The following SFTPB variants were observed in gnomAD, a reference collection of about 807,000 sequenced individuals.
The protein encoded by SFTPB is pulmonary surfactant-associated protein B.
In SFTPB, 32 loss-of-function variants were observed where a neutral mutation model predicts 51.0. That is an observed-to-expected ratio of 0.63 (90% CI 0.47 to 0.84). The LOEUF is 0.84. Among genes scored for constraint, SFTPB ranks in the 40% least tolerant of loss-of-function variants. The probability of loss-of-function intolerance (pLI) is 0.00; values close to 1 mark genes in which losing one functional copy is unlikely to be tolerated. For synonymous variants in SFTPB, 211 were observed against 208.5 expected, an observed-to-expected ratio of 1.01 and a Z score of -0.10; for missense variants, 431 against 491.2, an observed-to-expected ratio of 0.88 and a Z score of 1.16.
intron 1 of SFTPB, 54 bp from the exon 2 acceptor site, chr2:85,667,860 A>G: frequency 5.0e-6 from 8 of 1,612,996 alleles, no homozygotes; most frequent in Non-Finnish European, 6.8e-6. Flanking sequence ...CACACCTGGC[A>G]TCATGATTTC....
In SFTPB at chr2:85,657,972, A is replaced by G. The variant is rs549991026; in HGVS notation, c.*1730T>C. On this transcript the variant is annotated 3_prime_UTR_variant, in exon 11 of 11. Coordinates refer to ENST00000519937, the MANE Select transcript of SFTPB (RefSeq NM_000542.5). ...GGGAAGGTGTATTGTCACAAGGTCA[A>G]TTGATCAGTTAGGGTGGGGCAGGAA... 2 of 152,288 alleles carry G rather than the reference A, an allele frequency of 1.3e-5. No individual in the cohort carries two copies. The highest frequency in any genetic ancestry group is 3.9e-4 in the East Asian group (2 of 5,176). The allele number at this position is 152,288 out of a possible 1,614,324, so 9.4% of individuals were successfully genotyped here. A position where few individuals can be genotyped will look rare whatever the true frequency, so the allele number is the denominator to read the frequency against.
At chr2:85,668,372 G>A (rs1677763507), upstream of SFTPB, 2 of 626,312 alleles carry the variant, frequency 3.2e-6, no homozygotes, top group Non-Finnish European at 2.9e-6. Context: ...CTGGCTGATG[G>A]CCTGTTCCTG....
intron 10 of SFTPB, among the ~76,000 whole-genome samples, chr2:85,660,288 A>AC (rs772220420): frequency 2.5e-5 from 2 of 80,560 alleles, no homozygotes; most frequent in African/African-American, 1.2e-4. Context: ...CATCTGGCTA[A>AC]TTTTTTTTTT....
Position 85,661,503 on chromosome 2 carries a change from A to G in SFTPB, c.1116T>C (p.Pro372=). 1 of 1,612,222 alleles carries G rather than the reference A, an allele frequency of 6.2e-7. No homozygotes were observed. The highest frequency in any genetic ancestry group is 8.5e-7 in the Non-Finnish European group (1 of 1,179,326). ...GGTCGGGGCTGTGGATACACTGGAG[A>G]GGGCTGGACATGGTCCCACACACCC... is the stretch of plus-strand genomic sequence containing the variant. ...ALGVCGTMSS[P]LQCIHSPDL The change falls in exon 10 of 11, where the codon CCT becomes CCC. Residue 372 remains proline, a synonymous_variant. Coordinates refer to ENST00000519937, the MANE Select transcript of SFTPB (RefSeq NM_000542.5).
chr2:85,657,883 A>AGGGTGCGG lies in SFTPB; in HGVS notation c.*1811_*1818dup, dbSNP rs1677124525. On this transcript the variant is annotated 3_prime_UTR_variant, in exon 11 of 11. Coordinates refer to ENST00000519937, the MANE Select transcript of SFTPB (RefSeq NM_000542.5). ...GAGAATATTACAAAATACCTTCTTA[A>AGGGTGCGG]GGGTGCGGGGGTGCGGGCGTGGGGT... 1 of 113,896 alleles carries AGGGTGCGG rather than the reference A, an allele frequency of 8.8e-6. No individual in the cohort carries two copies. Among genetic ancestry groups the AGGGTGCGG allele is most frequent in the East Asian group, 2.8e-4 (1 of 3,518 alleles). 7.1% of individuals were successfully genotyped at this position (113,896 alleles called of 1,614,324 possible).
rs781349851 is a variant in SFTPB at position 85,661,524 on chromosome 2, C to T, written c.1095G>A (p.Val365=). The T allele has an allele frequency of 6.8e-6, 11 of 1,611,362 alleles. No individual in the cohort carries two copies. The African/African-American group carries it at 1.3e-4, about 20-fold the overall frequency. The change falls in exon 10 of 11, where the codon GTG becomes GTA. Residue 365 remains valine, a synonymous_variant. Transcript: ENST00000519937. ...GGAGAGGGCTGGACATGGTCCCACA[C>T]ACCCCGAGGGCCTGTCACAGGGACA... ...DAHTTCQALG[V]CGTMSSPLQC... is the part of the protein sequence containing the mutation.
At chr2:85,664,436 C>T (rs1420207996) in intron 6 of SFTPB, among the ~76,000 whole-genome samples, 1 of 152,134 alleles carries the variant, frequency 6.6e-6, no homozygotes, top group Non-Finnish European at 1.5e-5. Context: ...GTCCCATCAC[C>T]TCTCACTGCA....
chr2:85,665,230 T>C, intron 6 of SFTPB, 59 bp downstream of exon 6: 1 of 1,247,662 alleles, frequency 8.0e-7, no homozygotes, highest in Non-Finnish European at 1.2e-6. Flanking sequence ...AGGTGGGAGC[T>C]GCAGGGAGCT....
intron 4 of SFTPB, 149 bp downstream of exon 4, chr2:85,666,468 T>G: frequency 1.4e-6 from 1 of 720,506 alleles, no homozygotes; most frequent in Non-Finnish European, 2.3e-6. Context: ...GGGTGCTGTG[T>G]GTTTGTGTCT....
rs144870775 is a variant in SFTPB at position 85,666,391 on chromosome 2, C to CTG, written c.393+224_393+225dup. On this transcript the variant is annotated intron_variant, in intron 4 of 10. Coordinates refer to ENST00000519937, the MANE Select transcript of SFTPB (RefSeq NM_000542.5). Reference sequence around the variant, plus strand: ...TGTGTGTGTCCGGCCAGCTGGGGTACTGTGTGTGTGTGTGTCCGGCCAGCT... The same window carrying CTG: ...TGTGTGTGTCCGGCCAGCTGGGGTACTGTGTGTGTGTGTGTGTCCGGCCAGCT... 6,905 of 377,648 alleles carry CTG rather than the reference C, an allele frequency of 0.018. 211 individuals carry two copies. The highest frequency in any genetic ancestry group is 0.11 in the African/African-American group (3,524 of 32,524). The allele number at this position is 377,648 out of a possible 1,614,324, so 23.4% of individuals were successfully genotyped here.
intron 4 of SFTPB, 133 bp from the exon 5 acceptor site, chr2:85,665,927 C>G (rs1677563257): frequency 1.2e-6 from 1 of 802,204 alleles, no homozygotes; most frequent in East Asian, 2.7e-5. Context: ...GTTTAGAACT[C>G]TATGTGGGGG....
chr2:85,665,325 C>T lies in SFTPB; in HGVS notation c.636G>A (p.Arg212=). The T allele has an allele frequency of 6.2e-7, 1 of 1,614,084 alleles. No homozygotes were observed. Among genetic ancestry groups the T allele is most frequent in the Non-Finnish European group, 8.5e-7 (1 of 1,179,998 alleles). Residue 212 remains arginine, a synonymous_variant, in exon 6 of 11, where the codon AGG becomes AGA. Transcript: ENST00000519937. ...TGGCTTGGATCCGCTTGATCAGAGC[C>T]CTGCAGAGCCAGCAATAGGGGAGAG... ...PIPLPYCWLC[R]ALIKRIQAMI... is the part of the protein sequence containing the mutation.
rs779654891 is a variant in SFTPB, at chr2:85,667,769, G to A, written c.105C>T (p.Gly35=). The A allele has an allele frequency of 6.9e-5, 111 of 1,614,150 alleles. No homozygotes were observed. The highest frequency in any genetic ancestry group is 9.2e-5 in the Non-Finnish European group (108 of 1,180,040). ...CCAGGCTTTGGCACCAGAACTCAGG[G>A]CCCTGGGCACAGGCCAAGGATGAGG... ...WTTSSLACAQ[G]PEFWCQSLEQ... The change falls in exon 2 of 11, where the codon GGC becomes GGT. Residue 35 remains glycine (G), a synonymous_variant. Coordinates refer to ENST00000519937, the MANE Select transcript of SFTPB (RefSeq NM_000542.5).
intron 6 of SFTPB, among the ~76,000 whole-genome samples, 184 bp from the exon 7 acceptor site, chr2:85,664,031 A>G (rs3024807): frequency 1.7e-3 from 260 of 152,280 alleles, no homozygotes; most frequent in African/African-American, 5.9e-3. Flanking sequence ...GGACTCACAC[A>G]GGGTCACTGA....
chr2:85,662,340 A>T (rs1233425257), intron 8 of SFTPB: 14 of 1,369,428 alleles, frequency 1.0e-5, no homozygotes, highest in African/African-American at 1.5e-5. Context: ...ACTCAGGCAG[A>T]GGGGTGGAAT....
intron 4 of SFTPB, 110 bp downstream of exon 4, chr2:85,666,506 TG>T (rs1677641518): frequency 1.8e-6 from 2 of 1,087,364 alleles, no homozygotes; most frequent in Admixed American, 2.0e-5. Flanking sequence ...TGTGTGTGTG[TG>T]TGTGTGTGTG....
chr2:85,663,868 G>A (rs770497363), intron 6 of SFTPB, 21 bp from the exon 7 acceptor site: 5 of 1,563,886 alleles, frequency 3.2e-6, no homozygotes, highest in African/African-American at 1.4e-5. Flanking sequence ...GGCGGAGAGA[G>A]GCCAGCATGG....
chr2:85,661,365 C>A, intron 10 of SFTPB, 89 bp downstream of exon 10: 4 of 937,162 alleles, frequency 4.3e-6, no homozygotes, highest in Non-Finnish European at 6.7e-6. Context: ...GTGGCCGCCT[C>A]TTCCTGCTTG....
rs765744151 is a variant in SFTPB at position 85,663,307 on chromosome 2, C to T, written c.1002+39G>A. 23 of 1,604,050 alleles carry T rather than the reference C, an allele frequency of 1.4e-5. No individual in the cohort carries two copies. In the East Asian group the frequency reaches 2.7e-4, roughly 19 times the overall value. ...CCTGGGCTCAGCCTTCTGCCTTGAACGGGCCCTGACCATGAGTCCCCATGT... is the reference window on the plus strand; with the variant it reads ...CCTGGGCTCAGCCTTCTGCCTTGAATGGGCCCTGACCATGAGTCCCCATGT... On this transcript the variant is annotated intron_variant, in intron 8 of 10. Transcript: ENST00000519937.
Sources: gnomAD v4.1 joint callset for allele counts (sites outside exome capture counted in the v4.1 genomes callset) on GRCh38, gnomAD v4.1.1 for gene constraint, MANE v1.5 for transcripts, NCBI Gene and HGNC (gene_info 2026-07-23, HGNC 2026-07-21) for gene names.